Variants in MYLK4 observed in about 807,000 individuals in gnomAD.
The protein encoded by MYLK4 is myosin light chain kinase family member 4.
In MYLK4, 46 loss-of-function variants were observed where a neutral mutation model predicts 48.1. That is an observed-to-expected ratio of 0.96 (90% CI 0.75 to 1.22). The LOEUF is 1.22. MYLK4 is among the 50% of genes most tolerant of loss of function. The pLI, the probability that MYLK4 is intolerant of heterozygous loss-of-function variation, is 0.00. For missense variants in MYLK4, 451 were observed against 486.1 expected (o/e 0.93, Z 0.68); for synonymous variants, 170 against 180.8 (o/e 0.94, Z 0.48).
Position 2,680,262 on chromosome 6 carries a change from A to C in MYLK4, c.717T>G (p.Asp239Glu). 1 of 1,614,182 alleles carries C rather than the reference A, an allele frequency of 6.2e-7. No individual in the cohort carries two copies. The highest frequency in any genetic ancestry group is 8.5e-7 in the Non-Finnish European group (1 of 1,180,020). The change falls in exon 8 of 13, where the codon GAT becomes GAG. Residue 239 changes from aspartate (D) to glutamate (E), a missense_variant. By Grantham distance (45) the Asp-to-Glu change is conservative. Transcript: ENST00000274643. ...KPENILCVNR[D>E]AKQIKIIDFG... ...AATCAATAATTTTTATTTGCTTAGCATCCCGATTCACACACAGGATATTCT... is the reference window on the plus strand; with the variant it reads ...AATCAATAATTTTTATTTGCTTAGCCTCCCGATTCACACACAGGATATTCT...
At chr6:2,765,652 C>T in the MYLK4 span, 60 of 1,546,326 alleles carry the variant, frequency 3.9e-5, 1 homozygote, top group South Asian at 2.6e-4. Flanking sequence ...AAGACGACCC[C>T]TTCCTTTCGC....
chr6:2,720,447 C>T (rs547874845), intron 2 of MYLK4, among the ~76,000 whole-genome samples: 2 of 151,442 alleles, frequency 1.3e-5, no homozygotes, highest in Non-Finnish European at 2.9e-5. Context: ...TGAAACAAAG[C>T]AAGTTGGAGA....
chr6:2,700,640 ACGG>A (rs1409550348), intron 2 of MYLK4, among the ~76,000 whole-genome samples: 5 of 152,140 alleles, frequency 3.3e-5, no homozygotes, highest in Non-Finnish European at 5.9e-5. Context: ...GCCAAGGTAA[ACGG>A]CCCTGAGACC....
chr6:2,686,025 G>A (rs368712304), intron 4 of MYLK4, among the ~76,000 whole-genome samples: 17 of 147,374 alleles, frequency 1.2e-4, no homozygotes, highest in African/African-American at 3.3e-4. Context: ...CCGAGATCGC[G>A]CCATTGCACT....
chr6:2,757,376 A>G, the MYLK4 span, among the ~76,000 whole-genome samples: 1 of 152,186 alleles, frequency 6.6e-6, no homozygotes, highest in Non-Finnish European at 1.5e-5. Flanking sequence ...CAGAGGGCAG[A>G]TAGGCAGCCT....
At chr6:2,740,384 G>C in intron 2 of MYLK4, among the ~76,000 whole-genome samples, 1 of 152,176 alleles carries the variant, frequency 6.6e-6, no homozygotes, top group East Asian at 1.9e-4. Flanking sequence ...ATTGCTGCGG[G>C]ACCTTCTTGG....
At chr6:2,683,199 T>C in intron 6 of MYLK4, 37 bp from the exon 7 acceptor site, 1 of 1,612,936 alleles carries the variant, frequency 6.2e-7, no homozygotes, top group South Asian at 1.1e-5. Flanking sequence ...TCAGTCCCGA[T>C]TTCCTTACCA....
At chr6:2,713,198 C>T (rs1466263021) in intron 2 of MYLK4, among the ~76,000 whole-genome samples, 1 of 151,874 alleles carries the variant, frequency 6.6e-6, no homozygotes, top group Admixed American at 6.6e-5. Flanking sequence ...CGGAGAAACC[C>T]CATATCTACT....
intron 1 of MYLK4, among the ~76,000 whole-genome samples, chr6:2,749,801 CT>C (rs148024756): frequency 0.012 from 1,838 of 152,284 alleles, 28 homozygotes; most frequent in South Asian, 0.062. Flanking sequence ...TCTGCTTCCC[CT>C]GGCCTCCCTC....
At position 2,672,136 on chromosome 6, in the gene MYLK4, G is replaced by C. The variant is rs1316218576; in HGVS notation, c.1120-788C>G. On this transcript the variant is annotated intron_variant, in intron 11 of 12. Coordinates refer to ENST00000274643, the MANE Select transcript of MYLK4 (RefSeq NM_001012418.5). The surrounding 1 kb of genome is among the most constrained non-coding windows in gnomAD (Gnocchi z 4.3). Reference sequence around the variant, plus strand: ...AGCCGAGGTCACAACACTGAGAATGGGAAGGAAGGGTCAGAGGCTTCTTAG... The same window carrying C: ...AGCCGAGGTCACAACACTGAGAATGCGAAGGAAGGGTCAGAGGCTTCTTAG... Among the ~76,000 whole-genome samples, 2 of 152,204 alleles carry C rather than the reference G, an allele frequency of 1.3e-5. No individual in the cohort carries two copies. The highest frequency in any genetic ancestry group is 3.8e-4 in the East Asian group (2 of 5,198).
chr6:2,722,693 A>C (rs2113293653), intron 2 of MYLK4, among the ~76,000 whole-genome samples: 1 of 152,318 alleles, frequency 6.6e-6, no homozygotes, highest in Non-Finnish European at 1.5e-5. Flanking sequence ...AAAGAATCAG[A>C]TAAAGGAAAT....
At chr6:2,765,359 GCGCCTC>G in the MYLK4 span, 1 of 281,112 alleles carries the variant, frequency 3.6e-6, no homozygotes, top group Non-Finnish European at 6.5e-6. Flanking sequence ...GCCGCGCGAG[GCGCCTC>G]CGCCGCCGGG....
chr6:2,666,589 T>C lies in MYLK4; in HGVS notation c.*1336A>G, dbSNP rs955512437. The C allele has an allele frequency of 6.6e-6, 1 of 151,818 alleles. No individual in the cohort carries two copies. Among genetic ancestry groups the C allele is most frequent in the Non-Finnish European group, 1.5e-5 (1 of 67,958 alleles). 9.4% of individuals were successfully genotyped at this position (151,818 alleles called of 1,614,324 possible). On this transcript the variant is annotated 3_prime_UTR_variant, in exon 13 of 13. Transcript: ENST00000274643. ...ATTCAACACAACAGTTATTTGGAAA[T>C]GGAAAATGTGAGAAAGCTCATGAAT...
rs1760680416 is a variant in MYLK4 at position 2,666,958 on chromosome 6, C to T, written c.*967G>A. On this transcript the variant is annotated 3_prime_UTR_variant, in exon 13 of 13. Transcript: ENST00000274643. ...GCGAGAGACTGTACTTGGTCTTTGC[C>T]ACTGTTTGTATGTGTTTACCCAGAA... is the stretch of plus-strand genomic sequence containing the variant. 6.6e-6 allele frequency: 1 copy of T among 152,264 alleles called. No homozygotes were observed. The highest frequency in any genetic ancestry group is 1.5e-5 in the Non-Finnish European group (1 of 68,070). 9.4% of individuals were successfully genotyped at this position (152,264 alleles called of 1,614,324 possible).
chr6:2,753,588 A>G (rs1764349320), upstream of MYLK4, among the ~76,000 whole-genome samples: 1 of 152,242 alleles, frequency 6.6e-6, no homozygotes, highest in African/African-American at 2.4e-5. Flanking sequence ...CACTATTATG[A>G]AAATGAAAAG....
chr6:2,688,732 T>G (rs1761659557), intron 4 of MYLK4, 119 bp downstream of exon 4: 3 of 810,206 alleles, frequency 3.7e-6, no homozygotes, highest in Admixed American at 2.2e-5. Flanking sequence ...GGTTACTGTT[T>G]CTTAAAATGT....
At chr6:2,694,512 G>GTGGTAGTGGTAATGATGGTGGTGA (rs1561845882) in intron 2 of MYLK4, among the ~76,000 whole-genome samples, 1 of 31,570 alleles carries the variant, frequency 3.2e-5, no homozygotes, top group Non-Finnish European at 7.0e-5. Context: ...GGTGGTGGTG[G>GTGGTAGTGGTAATGATGGTGGTGA]CGGTGGTGGT....
chr6:2,703,983 C>T (rs559945025), intron 2 of MYLK4, among the ~76,000 whole-genome samples: 4 of 152,254 alleles, frequency 2.6e-5, no homozygotes, highest in East Asian at 3.9e-4. Flanking sequence ...CCCATATGTT[C>T]TACCTAAAGA....
intron 9 of MYLK4, among the ~76,000 whole-genome samples, chr6:2,679,009 C>G (rs1761195805): frequency 6.6e-6 from 1 of 151,988 alleles, no homozygotes; most frequent in South Asian, 2.1e-4. Context: ...GCCATGTGAG[C>G]TTTTTAAATT....
Sources: allele counts gnomAD v4.1 joint callset (sites outside exome capture counted in the v4.1 genomes callset), GRCh38; gene constraint gnomAD v4.1.1; non-coding constraint Gnocchi (gnomAD v3.1); transcripts MANE v1.5; gene names NCBI Gene and HGNC (gene_info 2026-07-23, HGNC 2026-07-21).